NFU1: variants seen among roughly 807,000 people sequenced by gnomAD.
NFU1 encodes the protein NFU1 iron-sulfur cluster scaffold homolog, mitochondrial.
In NFU1, 30 loss-of-function variants were observed where a neutral mutation model predicts 32.2. The ratio of observed to expected loss-of-function variants is 0.93; its 90% CI spans 0.70 to 1.26. The LOEUF (loss-of-function observed/expected upper bound fraction) is 1.26. Ranked by LOEUF, NFU1 falls within the 50% of genes most tolerant of loss-of-function variation. NFU1 has a pLI of 0.00. For synonymous variants in NFU1, 112 were observed against 104.6 expected (o/e 1.07, Z -0.43); for missense variants, 306 against 306.6 (o/e 1.00, Z 0.02).
At chr2:69,439,354 C>T (rs914320922), upstream of NFU1, among the ~76,000 whole-genome samples, 3 of 152,162 alleles carry the variant, frequency 2.0e-5, no homozygotes, top group South Asian at 2.1e-4. Flanking sequence ...TGTCCAGAGT[C>T]TGTTCCTTCA....
chr2:69,396,933 G>A (rs1206740655), intron 7 of NFU1, among the ~76,000 whole-genome samples: 7 of 150,916 alleles, frequency 4.6e-5, no homozygotes, highest in African/African-American at 1.7e-4. Context: ...TTAGCCGGTC[G>A]TGGTGGTGGG....
chr2:69,431,122 A>G (rs943027854), intron 2 of NFU1, among the ~76,000 whole-genome samples: 1 of 152,178 alleles, frequency 6.6e-6, no homozygotes. Flanking sequence ...ACAAAACCAT[A>G]GTAATTAATT....
chr2:69,424,211 A>G (rs1345739540), intron 2 of NFU1, among the ~76,000 whole-genome samples: 1 of 136,604 alleles, frequency 7.3e-6, no homozygotes, highest in African/African-American at 2.8e-5. Context: ...ATATATATAT[A>G]TATATATATC....
upstream of NFU1, among the ~76,000 whole-genome samples, chr2:69,438,130 A>G (rs1454666251): frequency 1.3e-5 from 2 of 152,210 alleles, no homozygotes; most frequent in African/African-American, 2.4e-5. Context: ...AGGGGCCAAA[A>G]AAAAGCAGGA....
chr2:69,397,669 T>C (rs1416664153), intron 7 of NFU1, among the ~76,000 whole-genome samples: 1 of 151,618 alleles, frequency 6.6e-6, no homozygotes, highest in Admixed American at 6.6e-5. Context: ...TCCCAGCACT[T>C]TGGGAGGCTG....
intron 1 of NFU1, among the ~76,000 whole-genome samples, chr2:69,437,024 G>A (rs1673863957): frequency 1.3e-5 from 2 of 152,230 alleles, no homozygotes; most frequent in Non-Finnish European, 2.9e-5. Context: ...ACCCGGTAGA[G>A]GGCCTGGGGG....
chr2:69,425,472 A>G (rs1673421975), intron 2 of NFU1, among the ~76,000 whole-genome samples: 1 of 151,332 alleles, frequency 6.6e-6, no homozygotes, highest in African/African-American at 2.4e-5. Flanking sequence ...CTCCTGCCTC[A>G]GCCTCCTGAG....
chr2:69,429,964 G>T, intron 2 of NFU1: 1 of 318,278 alleles, frequency 3.1e-6, no homozygotes, highest in Admixed American at 3.9e-5. Flanking sequence ...AGGAGGCGGA[G>T]GTTACAGTGA....
At chr2:69,425,526 T>C (rs1392694514) in intron 2 of NFU1, among the ~76,000 whole-genome samples, 4 of 151,584 alleles carry the variant, frequency 2.6e-5, no homozygotes, top group Non-Finnish European at 5.9e-5. Context: ...GGCTAATTTT[T>C]GTATTTTTAG....
At chr2:69,424,868 G>A (rs1467476180) in intron 2 of NFU1, among the ~76,000 whole-genome samples, 2 of 143,880 alleles carry the variant, frequency 1.4e-5, no homozygotes, top group Non-Finnish European at 3.0e-5. Context: ...GCCAAATACA[G>A]GGTCAAACGC....
chr2:69,404,120 G>A, intron 6 of NFU1, among the ~76,000 whole-genome samples: 1 of 151,448 alleles, frequency 6.6e-6, no homozygotes, highest in East Asian at 2.0e-4. Flanking sequence ...TTACAGGCGT[G>A]AGGCACCGCA....
Position 69,413,127 on chromosome 2 carries a change from A to G in NFU1, c.484+2058T>C, listed in dbSNP as rs374503656. ...TGGTGAAACCCCGTCTCTACTAAAA[A>G]TAGAAAAATTAGTTGGGCATGGTGG... On this transcript the variant is annotated intron_variant, in intron 5 of 7. Transcript: ENST00000410022. Among the ~76,000 whole-genome samples the G allele has an allele frequency of 4.6e-5, 7 of 151,924 alleles. No individual in the cohort carries two copies. The East Asian group carries it at 1.4e-3, about 30-fold the overall frequency.
chr2:69,405,653 T>G (rs1403216347), intron 6 of NFU1, among the ~76,000 whole-genome samples: 2 of 152,224 alleles, frequency 1.3e-5, no homozygotes, highest in African/African-American at 4.8e-5. Flanking sequence ...TCACTTAACA[T>G]TTATTCTGTA....
upstream of NFU1, among the ~76,000 whole-genome samples, chr2:69,439,212 G>A (rs1329316866): frequency 6.6e-6 from 1 of 152,056 alleles, no homozygotes; most frequent in Non-Finnish European, 1.5e-5. Context: ...ACCATTCTTA[G>A]GGCCTGCTCT....
chr2:69,396,994 C>T (rs1486167598), intron 7 of NFU1, among the ~76,000 whole-genome samples: 1 of 151,544 alleles, frequency 6.6e-6, no homozygotes, highest in Admixed American at 6.6e-5. Flanking sequence ...ATGGCATGAA[C>T]TGGGGAGGTG....
At chr2:69,421,910 G>T (rs1673259333) in intron 3 of NFU1, among the ~76,000 whole-genome samples, 1 of 151,804 alleles carries the variant, frequency 6.6e-6, no homozygotes, top group South Asian at 2.1e-4. Context: ...TATCCTCAGG[G>T]GATCCATTCC....
chr2:69,426,822 A>C (rs1673469942), intron 2 of NFU1, among the ~76,000 whole-genome samples: 1 of 151,720 alleles, frequency 6.6e-6, no homozygotes, highest in Non-Finnish European at 1.5e-5. Context: ...GAATCCCAGC[A>C]CTTTGGGAGG....
chr2:69,435,785 C>T (rs1673809538), intron 1 of NFU1, among the ~76,000 whole-genome samples: 1 of 152,184 alleles, frequency 6.6e-6, no homozygotes, highest in Non-Finnish European at 1.5e-5. Flanking sequence ...GCTTTTCTCA[C>T]TCTGTCACCC....
At chr2:69,407,407 T>C (rs141406210) in intron 5 of NFU1, among the ~76,000 whole-genome samples, 25 of 152,292 alleles carry the variant, frequency 1.6e-4, no homozygotes, top group African/African-American at 4.6e-4. Context: ...AAATAAAACA[T>C]GGCTCATGCC....
Sources: allele counts gnomAD v4.1 joint callset (sites outside exome capture counted in the v4.1 genomes callset), GRCh38; gene constraint gnomAD v4.1.1; transcripts MANE v1.5; gene names NCBI Gene and HGNC (gene_info 2026-07-23, HGNC 2026-07-21).